The following DAB1 variants were observed in gnomAD, a reference collection of about 807,000 sequenced individuals.
The protein encoded by DAB1 is DAB adaptor protein 1.
DAB1 carries 15 observed loss-of-function variants against 64.6 expected under a neutral mutation model. That is an observed-to-expected ratio of 0.23 (90% CI 0.16 to 0.36). The LOEUF is 0.36. Ranked by LOEUF, DAB1 falls within the 10% of genes least tolerant of loss-of-function variation. The probability of loss-of-function intolerance (pLI) is 1.00; values close to 1 mark genes in which losing one functional copy is unlikely to be tolerated. For synonymous variants in DAB1, 235 were observed against 251.9 expected (o/e 0.93, Z 0.64); for missense variants, 596 against 706.7 (o/e 0.84, Z 1.78).
intron 4 of DAB1, among the ~76,000 whole-genome samples, chr1:57,130,155 T>C (rs1657524093): frequency 6.6e-6 from 1 of 151,938 alleles, no homozygotes; most frequent in South Asian, 2.1e-4. Context: ...GCTTTCTTAA[T>C]TCTGCTTAGA....
chr1:57,744,782 A>G (rs1275215107), intron 6 of DAB1, among the ~76,000 whole-genome samples: 3 of 152,138 alleles, frequency 2.0e-5, no homozygotes, highest in Non-Finnish European at 2.9e-5. Flanking sequence ...AAGCACATAC[A>G]TCCTCAGCAC....
intron 7 of DAB1, among the ~76,000 whole-genome samples, chr1:57,576,128 ATTT>A (rs1205948892): frequency 6.6e-6 from 1 of 152,030 alleles, no homozygotes; most frequent in Non-Finnish European, 1.5e-5. Context: ...TTGATCTTTT[ATTT>A]TTATTATTTT....
At chr1:58,318,041 G>A (rs1352388248) in intron 4 of DAB1, among the ~76,000 whole-genome samples, 4 of 152,184 alleles carry the variant, frequency 2.6e-5, no homozygotes, top group Non-Finnish European at 4.4e-5. Flanking sequence ...TTAAAGCAAG[G>A]TTAGGGATCC....
rs1645646875 is a variant in DAB1 at position 56,996,937 on chromosome 1, T to C, written c.*1207A>G. On this transcript the variant is annotated 3_prime_UTR_variant, in exon 15 of 15. Transcript: ENST00000371236. ...CCTTAAAGCCATTTCCCTTAAATAT[T>C]TAAAGAGTTTAATGGTAAGGTTTTT... 6.6e-6 allele frequency: 1 copy of C among 152,178 alleles called. No homozygotes were observed. The highest frequency in any genetic ancestry group is 1.5e-5 in the Non-Finnish European group (1 of 68,040). The allele number at this position is 152,178 out of a possible 1,614,324, so 9.4% of individuals were successfully genotyped here. A position where few individuals can be genotyped will look rare whatever the true frequency, so the allele number is the denominator to read the frequency against.
chr1:58,033,131 A>G (rs545560118), intron 5 of DAB1, among the ~76,000 whole-genome samples: 3 of 152,306 alleles, frequency 2.0e-5, no homozygotes, highest in East Asian at 3.9e-4. Flanking sequence ...GGGATACAAT[A>G]TGGGTTCCCA....
intron 2 of DAB1, among the ~76,000 whole-genome samples, chr1:57,236,836 G>A (rs781175825): frequency 6.6e-6 from 1 of 152,180 alleles, no homozygotes; most frequent in Non-Finnish European, 1.5e-5. Context: ...TAGGTCTTAC[G>A]AGAGAATGCG....
At chr1:57,754,454 G>A (rs1028927894) in intron 6 of DAB1, among the ~76,000 whole-genome samples, 1 of 152,118 alleles carries the variant, frequency 6.6e-6, no homozygotes, top group Non-Finnish European at 1.5e-5. Context: ...GGGAGGCCGA[G>A]GTGGGTGGAT....
At chr1:57,072,989 T>C (rs1362841133) in intron 4 of DAB1, among the ~76,000 whole-genome samples, 2 of 152,222 alleles carry the variant, frequency 1.3e-5, no homozygotes, top group Non-Finnish European at 2.9e-5. Context: ...AGGCTTTTCA[T>C]TGGTAGATCT....
At chr1:57,754,543 G>A (rs1028984718) in intron 6 of DAB1, among the ~76,000 whole-genome samples, 3 of 151,430 alleles carry the variant, frequency 2.0e-5, no homozygotes, top group African/African-American at 7.3e-5. Flanking sequence ...AAAATTAGGC[G>A]GGCATGGTGG....
rs541106445 is a variant in DAB1 at position 57,391,524 on chromosome 1, A to C, written c.-137+32406T>G. On this transcript the variant is annotated intron_variant, in intron 1 of 14. Coordinates refer to ENST00000371236, the MANE Select transcript of DAB1 (RefSeq NM_001365792.1). ...ACTAATTAATGCTTCAATAAGCTTG[A>C]ATCTCCAAGAGCATGAGCCCCATAT... Among the ~76,000 whole-genome samples the C allele has an allele frequency of 3.3e-5, 5 of 152,300 alleles. No homozygotes were observed. The East Asian group carries it at 9.6e-4, about 29-fold the overall frequency.
chr1:57,136,622 C>T lies in DAB1; in HGVS notation c.227G>A (p.Arg76His), dbSNP rs530738424. 79 of 1,532,228 alleles carry T rather than the reference C, an allele frequency of 5.2e-5. No individual in the cohort carries two copies. The highest frequency in any genetic ancestry group is 1.1e-4 in the African/African-American group (8 of 73,358). The allele number at this position is 1,532,228 out of a possible 1,614,324, so 94.9% of individuals were successfully genotyped here. Residue 76 changes from arginine to histidine, a missense_variant, in exon 4 of 15, where the codon CGT (arginine) becomes CAT (histidine). By Grantham distance (29) the Arg-to-His change is conservative (BLOSUM62 0). Around this residue, in one of 3 missense-constraint regions of DAB1, gnomAD observed 176 missense variants for 266.7 expected, o/e 0.66. Coordinates refer to ENST00000371236, the MANE Select transcript of DAB1 (RefSeq NM_001365792.1). Reference protein sequence around the residue: ...MKLKGVVAGARSKGEHKQKIF... With the variant: ...MKLKGVVAGAHSKGEHKQKIF... ...TTTCTGTTTGTGTTCTCCTTTGGAA[C>T]GAGCGCCAGCAACAACGCCCTGTTG...
chr1:58,255,828 T>A (rs1050952315), intron 4 of DAB1, among the ~76,000 whole-genome samples: 1 of 152,234 alleles, frequency 6.6e-6, no homozygotes, highest in African/African-American at 2.4e-5. Flanking sequence ...GCTTGTTAAA[T>A]GTCTCTTCCA....
intron 4 of DAB1, among the ~76,000 whole-genome samples, chr1:57,120,561 A>G (rs1449500917): frequency 6.6e-6 from 1 of 152,080 alleles, no homozygotes; most frequent in African/African-American, 2.4e-5. Flanking sequence ...CATCCATTAA[A>G]CTTTTCCATC....
rs534666808 is a variant in DAB1, at chr1:57,469,903, G to A, written n.626-178737C>T. On this transcript the variant is annotated intron_variant and non_coding_transcript_variant, in intron 7 of 20. Transcript: ENST00000485760. ...AAGGTTCAGAGAAGCCTGAAATGAA[G>A]AAATGTGTTTAATTTTATTTAACAT... Among the ~76,000 whole-genome samples the A allele has an allele frequency of 2.6e-5, 4 of 152,248 alleles. No individual in the cohort carries two copies. In the South Asian group the frequency reaches 8.3e-4, roughly 32 times the overall value.
At chr1:57,309,118 C>G (rs184630105) in intron 1 of DAB1, among the ~76,000 whole-genome samples, 1 of 152,262 alleles carries the variant, frequency 6.6e-6, no homozygotes, top group East Asian at 1.9e-4. Context: ...GGATATTCTT[C>G]TTTTTCCAAC....
intron 6 of DAB1, among the ~76,000 whole-genome samples, chr1:57,653,613 C>T (rs527766907): frequency 5.3e-4 from 81 of 152,020 alleles, no homozygotes; most frequent in Non-Finnish European, 1.0e-3. Context: ...AGAATTATTA[C>T]ATTATTATTT....
intron 6 of DAB1, among the ~76,000 whole-genome samples, chr1:57,728,644 G>T (rs893599661): frequency 7.9e-5 from 12 of 152,080 alleles, no homozygotes; most frequent in African/African-American, 2.9e-4. Context: ...TGATATCAGT[G>T]GTTGGGGTGT....
At position 57,680,307 on chromosome 1, in the gene DAB1, T is replaced by C. The variant is rs530509706; in HGVS notation, n.552-30642A>G. ...GTGTATTAGTTTTCTACTGCTGTTA[T>C]AACAAATTATTGCAAGTTTTGTGCC... On this transcript the variant is annotated intron_variant and non_coding_transcript_variant, in intron 6 of 20. Coordinates refer to the DAB1 transcript ENST00000485760. Among the ~76,000 whole-genome samples the C allele has an allele frequency of 3.3e-5, 5 of 152,352 alleles. No homozygotes were observed. In the South Asian group the frequency reaches 8.3e-4, roughly 25 times the overall value.
intron 4 of DAB1, among the ~76,000 whole-genome samples, chr1:58,256,337 G>A (rs1312978679): frequency 6.6e-6 from 1 of 152,138 alleles, no homozygotes; most frequent in Non-Finnish European, 1.5e-5. Context: ...TTGCAACTAC[G>A]AGCTTCTTTC....
Sources: gnomAD v4.1 joint callset for allele counts (sites outside exome capture counted in the v4.1 genomes callset) on GRCh38, gnomAD v4.1.1 for gene constraint, gnomAD v4.1.1 regional missense constraint, MANE v1.5 for transcripts, NCBI Gene and HGNC (gene_info 2026-07-23, HGNC 2026-07-21) for gene names.